ZNF169: variants seen among roughly 807,000 people sequenced by gnomAD.
ZNF169 encodes the protein zinc finger protein 169.
In ZNF169, 11 loss-of-function variants were observed where a neutral mutation model predicts 12.0. That is an observed-to-expected ratio of 0.92 (90% CI 0.58 to 1.52). The LOEUF (loss-of-function observed/expected upper bound fraction) is 1.52, where lower values mean the gene tolerates loss of function less well. ZNF169 is among the 40% of genes most tolerant of loss of function. The pLI, the probability that ZNF169 is intolerant of heterozygous loss-of-function variation, is 0.00. For missense variants in ZNF169, 722 were observed against 744.0 expected (o/e 0.97, Z 0.34); for synonymous variants, 302 against 286.5 (o/e 1.05, Z -0.55).
rs1167175410 is a variant in ZNF169 at position 94,299,640 on chromosome 9, TG to T, written c.257-173del. 4 of 1,392,800 alleles carry T rather than the reference TG, an allele frequency of 2.9e-6. No homozygotes were observed. The African/African-American group carries it at 5.8e-5, about 20-fold the overall frequency. The allele number at this position is 1,392,800 out of a possible 1,614,324, so 86.3% of individuals were successfully genotyped here. A position where few individuals can be genotyped will look rare whatever the true frequency, so the allele number is the denominator to read the frequency against. Reference sequence around the variant, plus strand: ...TGATGCTTTTTTGAACCTTTTAGTTTGGCTGATAGGACTAGTTTGTAGTGTG... The same window carrying T: ...TGATGCTTTTTTGAACCTTTTAGTTTGCTGATAGGACTAGTTTGTAGTGTG... On this transcript the variant is annotated intron_variant, in intron 4 of 4. Transcript: ENST00000395395.
chr9:94,294,889 T>G (rs914093464), intron 4 of ZNF169: 4 of 152,266 alleles, frequency 2.6e-5, no homozygotes, highest in Non-Finnish European at 5.9e-5. Flanking sequence ...AAATAAATTT[T>G]TGCCTGCTTT....
At chr9:94,267,684 G>T (rs1830317916) in intron 1 of ZNF169, among the ~76,000 whole-genome samples, 1 of 152,124 alleles carries the variant, frequency 6.6e-6, no homozygotes, top group African/African-American at 2.4e-5. Context: ...GGTCATTCCA[G>T]TCTATTAGTT....
intron 4 of ZNF169, chr9:94,299,576 A>G (rs889972287): frequency 1.5e-6 from 2 of 1,357,434 alleles, no homozygotes; most frequent in Non-Finnish European, 1.9e-6. Context: ...ATAAATGTGT[A>G]ACTCTACTTG....
chr9:94,289,841 A>G (rs1199388639), intron 2 of ZNF169, among the ~76,000 whole-genome samples: 1 of 151,850 alleles, frequency 6.6e-6, no homozygotes, highest in Non-Finnish European at 1.5e-5. Flanking sequence ...TAGGCAAATC[A>G]AGACAGAATT....
rs150561610 is a variant in ZNF169 at position 94,287,870 on chromosome 9, G to A, written c.34-4471G>A. On this transcript the variant is annotated intron_variant, in intron 2 of 4. Coordinates refer to ENST00000395395, the MANE Select transcript of ZNF169 (RefSeq NM_194320.4). ...TAGCCGAGAAGTAGGCGTCAGGGTC[G>A]ATCTGATACTTGGCTGCTATTCCGA... 8.9e-4 allele frequency: 893 copies of A among 1,005,312 alleles called. 19 individuals carry two copies. In the African/African-American group the frequency reaches 0.012, roughly 14 times the overall value. 62.3% of individuals were successfully genotyped at this position (1,005,312 alleles called of 1,614,324 possible). A position where few individuals can be genotyped will look rare whatever the true frequency, so the allele number is the denominator to read the frequency against.
In ZNF169 at chr9:94,300,661, A is replaced by G. The variant is rs760495205; in HGVS notation, c.1103A>G (p.His368Arg). The G allele has an allele frequency of 6.2e-7, 1 of 1,614,210 alleles. No individual in the cohort carries two copies. Among genetic ancestry groups the G allele is most frequent in the South Asian group, 1.1e-5 (1 of 91,086 alleles). The part of the protein sequence containing the change: ...KASLLQHQSS[H>R]TGERPFLCLE... Reference sequence around the variant, plus strand: ...TCACTCCTCCAGCACCAGAGCTCACACACAGGGGAGAGGCCCTTCCTGTGC... The same window carrying G: ...TCACTCCTCCAGCACCAGAGCTCACGCACAGGGGAGAGGCCCTTCCTGTGC... Residue 368 changes from histidine to arginine, a missense_variant, in exon 5 of 5, where the codon CAC becomes CGC. Physicochemically the swap from His to Arg is conservative, Grantham distance 29 (BLOSUM62 0). Coordinates refer to ENST00000395395, the MANE Select transcript of ZNF169 (RefSeq NM_194320.4).
At chr9:94,287,723 A>G (rs16912862) in intron 2 of ZNF169, 628,763 of 1,359,448 alleles carry the variant, frequency 0.46, 146,856 homozygotes, top group Middle Eastern at 0.56. Context: ...CTAGTCCTCA[A>G]CCAAGCTTGT....
In ZNF169 at chr9:94,293,020, C is replaced by T. The variant is rs141033680; in HGVS notation, c.207C>T (p.Gly69=). 1.1e-4 allele frequency: 181 copies of T among 1,613,406 alleles called. No homozygotes were observed. The highest frequency in any genetic ancestry group is 7.5e-4 in the African/African-American group (56 of 74,866). The change falls in exon 4 of 5, where the codon GGC becomes GGT. Residue 69 remains glycine, a synonymous_variant. Transcript: ENST00000395395. ...AACTCATCGAACAGCTGGAGCAAGG[C>T]GACGAACCTTGGAGAGAGGAGAACG... is the stretch of plus-strand genomic sequence containing the variant. ...KPKLIEQLEQ[G]DEPWREENEH... is the part of the protein sequence containing the mutation.
intron 1 of ZNF169, among the ~76,000 whole-genome samples, chr9:94,265,698 G>A (rs759900717): frequency 6.6e-6 from 1 of 152,012 alleles, no homozygotes; most frequent in Non-Finnish European, 1.5e-5. Flanking sequence ...TATAACTAAG[G>A]TCTGAGTCCT....
rs1226474885 is a variant in ZNF169 at position 94,283,499 on chromosome 9, CTT to C, written c.33+4656_33+4657del. Among the ~76,000 whole-genome samples, 4 of 152,196 alleles carry C rather than the reference CTT, an allele frequency of 2.6e-5. No homozygotes were observed. The East Asian group carries it at 7.7e-4, about 29-fold the overall frequency. ...AGCTGGCAAAAACTGTCAGAATCAA[CTT>C]TCGTAAAATTCTGGAATCTTGTCAA... On this transcript the variant is annotated intron_variant, in intron 2 of 4. Coordinates refer to ENST00000395395, the MANE Select transcript of ZNF169 (RefSeq NM_194320.4).
At chr9:94,270,694 AAT>A (rs1182709637) in intron 1 of ZNF169, among the ~76,000 whole-genome samples, 1 of 46,694 alleles carries the variant, frequency 2.1e-5, no homozygotes, top group Non-Finnish European at 5.2e-5. Flanking sequence ...ATAAATATAT[AAT>A]TTATATAATT....
At chr9:94,288,258 G>A in intron 2 of ZNF169, 1 of 806,492 alleles carries the variant, frequency 1.2e-6, no homozygotes, top group Non-Finnish European at 2.2e-6. Context: ...ACGAATTGAA[G>A]GTCAGCTTCA....
At chr9:94,260,470 T>A (rs143642993) in intron 1 of ZNF169, among the ~76,000 whole-genome samples, 1,731 of 110,208 alleles carry the variant, frequency 0.016, 22 homozygotes, top group Middle Eastern at 0.029. Context: ...ACATCCAGAC[T>A]TGGTCTTGAT....
chr9:94,291,843 G>A (rs1830845764), intron 2 of ZNF169, among the ~76,000 whole-genome samples: 1 of 152,268 alleles, frequency 6.6e-6, no homozygotes, highest in Non-Finnish European at 1.5e-5. Context: ...CAAATGGAGA[G>A]ACATACTGTG....
chr9:94,295,383 GTATAT>G (rs1830929637), intron 4 of ZNF169: 2 of 152,028 alleles, frequency 1.3e-5, no homozygotes, highest in African/African-American at 4.8e-5. Context: ...AGCAATTAAG[GTATAT>G]TATAAGATAT....
chr9:94,299,655 G>A (rs1831015029), intron 4 of ZNF169, 160 bp from the exon 5 acceptor site: 1 of 1,432,342 alleles, frequency 7.0e-7, no homozygotes, highest in Non-Finnish European at 9.1e-7. Flanking sequence ...GATAGGACTA[G>A]TTTGTAGTGT....
In ZNF169 at chr9:94,299,902, A is replaced by G. The variant is rs751042265; in HGVS notation, c.344A>G (p.His115Arg). 1.9e-6 allele frequency: 3 copies of G among 1,614,156 alleles called. No individual in the cohort carries two copies. Among genetic ancestry groups the G allele is most frequent in the Non-Finnish European group, 2.5e-6 (3 of 1,180,028 alleles). ...CTCAGACAATATGCGCTAAGTGGCC[A>G]TCCCACACAGATCTTCCCAAGCTCA... ...QLLRQYALSGHPTQIFPSSSA... is the reference protein window; with the variant it reads ...QLLRQYALSGRPTQIFPSSSA... The change falls in exon 5 of 5, where the codon CAT becomes CGT. Residue 115 changes from histidine (H) to arginine (R), a missense_variant. Coordinates refer to ENST00000395395, the MANE Select transcript of ZNF169 (RefSeq NM_194320.4).
intron 1 of ZNF169, among the ~76,000 whole-genome samples, chr9:94,269,966 G>A (rs1269143416): frequency 6.6e-6 from 1 of 152,100 alleles, no homozygotes; most frequent in Non-Finnish European, 1.5e-5. Context: ...AGTTCCTTCA[G>A]GCCCCAAATA....
chr9:94,285,644 G>T (rs963966498), intron 2 of ZNF169, among the ~76,000 whole-genome samples: 1 of 152,004 alleles, frequency 6.6e-6, no homozygotes, highest in Non-Finnish European at 1.5e-5. Context: ...AAATCATCCC[G>T]AAAGCAGCCA....
Sources: gnomAD v4.1 joint callset for allele counts (sites outside exome capture counted in the v4.1 genomes callset) on GRCh38, gnomAD v4.1.1 for gene constraint, MANE v1.5 for transcripts, NCBI Gene and HGNC (gene_info 2026-07-23, HGNC 2026-07-21) for gene names.